The following GRID2 variants were observed in gnomAD, a reference collection of about 807,000 sequenced individuals.
GRID2 encodes the protein glutamate ionotropic receptor delta type subunit 2.
A neutral mutation model predicts 114.8 loss-of-function variants in GRID2; 33 were observed. The ratio of observed to expected loss-of-function variants is 0.29; its 90% confidence interval spans 0.22 to 0.38. The LOEUF is 0.38. Among genes scored for constraint, GRID2 ranks in the 10% least tolerant of loss-of-function variants. The probability of loss-of-function intolerance (pLI) is 1.00; values close to 1 mark genes in which losing one functional copy is unlikely to be tolerated. For missense variants in GRID2, 1,184 were observed against 1,257.7 expected (o/e 0.94, Z 0.89); for synonymous variants, 505 against 449.9 (o/e 1.12, Z -1.55).
At chr4:92,918,800 G>A (rs1298231017) in intron 2 of GRID2, among the ~76,000 whole-genome samples, 6 of 152,090 alleles carry the variant, frequency 3.9e-5, no homozygotes, top group Non-Finnish European at 8.8e-5. Context: ...AGGGATATTG[G>A]TCTAAAATTC....
intron 11 of GRID2, among the ~76,000 whole-genome samples, chr4:93,476,871 A>C (rs1560660746): frequency 6.6e-6 from 1 of 152,136 alleles, no homozygotes; most frequent in Non-Finnish European, 1.5e-5. Context: ...TTTGACAGAT[A>C]CTGGAAATGA....
intron 14 of GRID2, among the ~76,000 whole-genome samples, chr4:93,738,080 C>G (rs1731073331): frequency 6.6e-6 from 1 of 151,794 alleles, no homozygotes; most frequent in Non-Finnish European, 1.5e-5. Flanking sequence ...AGAGCTGAGA[C>G]CTGAAGGATT....
At chr4:93,728,651 T>C (rs1372240421) in intron 14 of GRID2, among the ~76,000 whole-genome samples, 2 of 152,204 alleles carry the variant, frequency 1.3e-5, no homozygotes, top group Non-Finnish European at 2.9e-5. Context: ...AAGGACTTGC[T>C]TTATGAATCT....
Position 92,774,606 on chromosome 4 carries a change from A to G in GRID2, c.244+184320A>G, listed in dbSNP as rs1318130387. ...TTTTTTTTTTTTTTTTTTTTGAGACAGTGTCTCACTCTGTCACCCAGGCTG... is the reference window on the plus strand; with the variant it reads ...TTTTTTTTTTTTTTTTTTTTGAGACGGTGTCTCACTCTGTCACCCAGGCTG... On this transcript the variant is annotated intron_variant, in intron 2 of 15. Transcript: ENST00000282020. Among the ~76,000 whole-genome samples the G allele has an allele frequency of 7.4e-5, 9 of 122,230 alleles. No homozygotes were observed. The South Asian group carries it at 2.3e-3, about 31-fold the overall frequency. The allele number at this position is 122,230 out of a possible 152,430, so 80.2% of individuals were successfully genotyped here. A position where few individuals can be genotyped will look rare whatever the true frequency, so the allele number is the denominator to read the frequency against.
chr4:92,720,214 C>A lies in GRID2; in HGVS notation c.244+129928C>A, dbSNP rs76252193. Among the ~76,000 whole-genome samples, 981 of 151,994 alleles carry A rather than the reference C, an allele frequency of 6.5e-3. 26 individuals are homozygous for A. In the East Asian group the frequency reaches 0.1, roughly 16 times the overall value. ...AAGATGTTCTGGACATCTTTCCAAG[C>A]ATCCTAATAGGATAAAAGAAAATTA... On this transcript the variant is annotated intron_variant, in intron 2 of 15. Transcript: ENST00000282020.
intron 14 of GRID2, among the ~76,000 whole-genome samples, chr4:93,674,246 G>A (rs983855463): frequency 2.6e-5 from 4 of 151,996 alleles, no homozygotes; most frequent in South Asian, 2.1e-4. Flanking sequence ...ACTAATACTC[G>A]TGAGCGTGAG....
intron 2 of GRID2, among the ~76,000 whole-genome samples, chr4:93,029,849 T>C (rs1310279927): frequency 6.6e-6 from 1 of 152,184 alleles, no homozygotes; most frequent in African/African-American, 2.4e-5. Context: ...AATGTTTAGG[T>C]ATAACTAACT....
chr4:93,396,584 T>A (rs1239772851), intron 9 of GRID2, among the ~76,000 whole-genome samples: 1 of 151,954 alleles, frequency 6.6e-6, no homozygotes, highest in African/African-American at 2.4e-5. Context: ...CATTTAATAT[T>A]TTTTGGACCA....
chr4:93,608,852 G>C (rs1740624740), intron 13 of GRID2, among the ~76,000 whole-genome samples: 1 of 133,498 alleles, frequency 7.5e-6, no homozygotes, highest in African/African-American at 2.8e-5. Context: ...GGGTCAAATG[G>C]TATTTCTAGT....
At chr4:93,112,599 C>T (rs1219322088) in intron 4 of GRID2, among the ~76,000 whole-genome samples, 1 of 152,116 alleles carries the variant, frequency 6.6e-6, no homozygotes, top group Non-Finnish European at 1.5e-5. Flanking sequence ...AAACTGTTTT[C>T]ATTTATAAAT....
intron 4 of GRID2, among the ~76,000 whole-genome samples, chr4:93,182,270 A>G (rs924364215): frequency 6.6e-6 from 1 of 151,996 alleles, no homozygotes; most frequent in Admixed American, 6.6e-5. Context: ...CATTGTGTAG[A>G]TCACTTTAAC....
At chr4:93,263,722 T>C (rs1215306690) in intron 8 of GRID2, among the ~76,000 whole-genome samples, 1 of 152,112 alleles carries the variant, frequency 6.6e-6, no homozygotes, top group African/African-American at 2.4e-5. Flanking sequence ...TTCATTTTCT[T>C]GTCATTCTTT....
chr4:92,819,613 A>C (rs576884592), intron 2 of GRID2, among the ~76,000 whole-genome samples: 67 of 152,130 alleles, frequency 4.4e-4, no homozygotes, highest in African/African-American at 1.5e-3. Flanking sequence ...ATTAATGGTC[A>C]TTCTTACTAT....
chr4:92,488,472 G>T (rs904177167), intron 1 of GRID2, among the ~76,000 whole-genome samples: 2 of 152,068 alleles, frequency 1.3e-5, no homozygotes, highest in African/African-American at 4.8e-5. Flanking sequence ...CATGAAGGAG[G>T]TAACTGCTGA....
At chr4:92,615,899 A>C (rs757872513) in intron 2 of GRID2, among the ~76,000 whole-genome samples, 1 of 151,284 alleles carries the variant, frequency 6.6e-6, no homozygotes, top group Non-Finnish European at 1.5e-5. Context: ...ACTTCTACCC[A>C]CTGTTGTTAT....
At chr4:92,675,903 G>A (rs1733333707) in intron 2 of GRID2, among the ~76,000 whole-genome samples, 1 of 151,880 alleles carries the variant, frequency 6.6e-6, no homozygotes, top group African/African-American at 2.4e-5. Flanking sequence ...CAGGTAGAAA[G>A]CCAAGCTGAA....
At chr4:92,447,943 T>G (rs1733556565) in intron 1 of GRID2, among the ~76,000 whole-genome samples, 1 of 152,144 alleles carries the variant, frequency 6.6e-6, no homozygotes, top group South Asian at 2.1e-4. Flanking sequence ...TTCTGAACCC[T>G]TGCTGACTAG....
At chr4:93,088,084 TA>T (rs1730478381) in intron 3 of GRID2, among the ~76,000 whole-genome samples, 1 of 152,132 alleles carries the variant, frequency 6.6e-6, no homozygotes, top group South Asian at 2.1e-4. Flanking sequence ...ATATACTTTT[TA>T]AAAAGATTTA....
intron 8 of GRID2, among the ~76,000 whole-genome samples, chr4:93,377,259 C>T (rs1397611633): frequency 6.6e-6 from 1 of 151,944 alleles, no homozygotes; most frequent in African/African-American, 2.4e-5. Context: ...AATTTTTATA[C>T]TGAAAAGTTG....
Sources: gnomAD v4.1 joint callset for allele counts (sites outside exome capture counted in the v4.1 genomes callset) on GRCh38, gnomAD v4.1.1 for gene constraint, MANE v1.5 for transcripts, NCBI Gene and HGNC (gene_info 2026-07-23, HGNC 2026-07-21) for gene names.